Variants in TMC1 observed in about 807,000 individuals in gnomAD.
TMC1 encodes transmembrane channel like 1.
Under a neutral mutation model 105.8 loss-of-function variants are expected in TMC1, and 84 were observed. That is an observed-to-expected ratio of 0.79 (90% CI 0.67 to 0.95). The LOEUF (loss-of-function observed/expected upper bound fraction) is 0.95. TMC1 is among the 40% of genes least tolerant of loss of function. The probability of loss-of-function intolerance (pLI) is 0.00; values close to 1 mark genes in which losing one functional copy is unlikely to be tolerated. For synonymous variants in TMC1, 315 were observed against 311.5 expected (o/e 1.01, Z -0.12); for missense variants, 817 against 914.1 (o/e 0.89, Z 1.37).
chr9:72,614,256 A>G (rs893924183), intron 2 of TMC1, among the ~76,000 whole-genome samples: 1 of 152,136 alleles, frequency 6.6e-6, no homozygotes, highest in Non-Finnish European at 1.5e-5. Flanking sequence ...CATAATTTTG[A>G]TCAGCTGGAA....
At chr9:72,671,669 G>A (rs902538790) in intron 5 of TMC1, among the ~76,000 whole-genome samples, 2 of 152,128 alleles carry the variant, frequency 1.3e-5, no homozygotes, top group African/African-American at 4.8e-5. Flanking sequence ...GGAGGGGCTT[G>A]AGGGGTGTCC....
intron 9 of TMC1, 36 bp downstream of exon 9, chr9:72,740,245 T>A (rs376838520): frequency 4.6e-5 from 72 of 1,571,288 alleles, no homozygotes; most frequent in Admixed American, 1.5e-4. Flanking sequence ...TTATGGCATA[T>A]TGCCTCTAAG....
Position 72,832,502 on chromosome 9 carries a change from G to A in TMC1, c.2260+1820G>A, listed in dbSNP as rs1320838253. Among the ~76,000 whole-genome samples, 4 of 152,164 alleles carry A rather than the reference G, an allele frequency of 2.6e-5. No homozygotes were observed. The East Asian group carries it at 7.7e-4, about 29-fold the overall frequency. ...TGTGCCAGTCACTGTGTCTGAGTAT[G>A]GTAAGTTACTGAAGTCAGTCAGGAC... On this transcript the variant is annotated intron_variant, in intron 23 of 23. Coordinates refer to ENST00000297784, the MANE Select transcript of TMC1 (RefSeq NM_138691.3).
intron 17 of TMC1, among the ~76,000 whole-genome samples, chr9:72,795,848 G>A (rs543808921): frequency 8.8e-4 from 131 of 149,426 alleles, no homozygotes; most frequent in African/African-American, 3.0e-3. Context: ...AAGGCACAGA[G>A]TAGCAAGCTG....
At position 72,804,073 on chromosome 9, in the gene TMC1, TC is replaced by T. The variant is rs1357577793; in HGVS notation, c.1567-1307del. ...AGCAATAAAAAGGAATGAGATCATG[TC>T]CTTTGCAGAGACATGGATGGAGCTG... On this transcript the variant is annotated intron_variant, in intron 17 of 23. Coordinates refer to ENST00000297784, the MANE Select transcript of TMC1 (RefSeq NM_138691.3). 3.9e-5 allele frequency among the ~76,000 whole-genome samples: 6 copies of T among 152,204 alleles called. No individual in the cohort carries two copies. The East Asian group carries it at 1.2e-3, about 29-fold the overall frequency.
At chr9:72,769,730 T>C (rs1446788816) in intron 12 of TMC1, among the ~76,000 whole-genome samples, 1 of 152,170 alleles carries the variant, frequency 6.6e-6, no homozygotes, top group African/African-American at 2.4e-5. Context: ...GTTCACGAAA[T>C]GTATACGGTG....
chr9:72,523,222 C>T (rs1823345080), intron 1 of TMC1, among the ~76,000 whole-genome samples: 1 of 150,970 alleles, frequency 6.6e-6, no homozygotes, highest in Non-Finnish European at 1.5e-5. Flanking sequence ...TTGCAGTTAG[C>T]CTGTGGGGAA....
At chr9:72,677,129 T>TACACAC (rs71495332) in intron 5 of TMC1, among the ~76,000 whole-genome samples, 5,284 of 145,184 alleles carry the variant, frequency 0.036, 195 homozygotes, top group Middle Eastern at 0.1. Flanking sequence ...GAACAGAAAT[T>TACACAC]ACACACACAC....
At chr9:72,743,384 AAAAAAAT>A (rs1827428826) in intron 10 of TMC1, among the ~76,000 whole-genome samples, 1 of 150,316 alleles carries the variant, frequency 6.7e-6, no homozygotes, top group African/African-American at 2.4e-5. Context: ...AAAAAAAATA[AAAAAAAT>A]AAAAAATAAA....
intron 1 of TMC1, among the ~76,000 whole-genome samples, chr9:72,560,082 A>G (rs1216209235): frequency 6.6e-6 from 1 of 152,232 alleles, no homozygotes; most frequent in Non-Finnish European, 1.5e-5. Context: ...TCTGATAACC[A>G]TGACATATCA....
chr9:72,528,430 G>A (rs1823442914), intron 1 of TMC1, among the ~76,000 whole-genome samples: 1 of 151,828 alleles, frequency 6.6e-6, no homozygotes, highest in Non-Finnish European at 1.5e-5. Context: ...CGCCTCCCGG[G>A]TTCAAGCGAT....
intron 12 of TMC1, among the ~76,000 whole-genome samples, chr9:72,764,856 G>A (rs2118100776): frequency 6.6e-6 from 1 of 152,178 alleles, no homozygotes; most frequent in East Asian, 1.9e-4. Context: ...TGATCTAATT[G>A]GATATGCAAA....
At chr9:72,772,608 G>A in intron 13 of TMC1, 53 bp downstream of exon 13, 1 of 1,608,716 alleles carries the variant, frequency 6.2e-7, no homozygotes, top group Non-Finnish European at 8.5e-7. Context: ...GAATCAAATG[G>A]AGGGATTAAT....
At chr9:72,700,771 C>CAT (rs1344713300) in intron 8 of TMC1, 128 bp downstream of exon 8, 5 of 333,220 alleles carry the variant, frequency 1.5e-5, no homozygotes, top group African/African-American at 2.3e-5. Context: ...TACACACACA[C>CAT]ACACACACAT....
intron 1 of TMC1, among the ~76,000 whole-genome samples, chr9:72,559,382 CTG>C (rs1470154609): frequency 2.0e-5 from 3 of 152,190 alleles, no homozygotes; most frequent in Admixed American, 1.3e-4. Flanking sequence ...GCGTGAGCCA[CTG>C]TGCCTGGCAA....
chr9:72,527,171 T>C (rs527635232), intron 1 of TMC1, among the ~76,000 whole-genome samples: 3 of 152,162 alleles, frequency 2.0e-5, no homozygotes, highest in Non-Finnish European at 4.4e-5. Context: ...TCCCAGTTGC[T>C]CAGGCCTGTG....
At position 72,836,118 on chromosome 9, in the gene TMC1, T is replaced by G. The variant is rs1283171261; in HGVS notation, c.*145T>G. ...GGATTTTCAAGGTCATGCTGGCCAA[T>G]TAAGGCATCATCAGTCCTACCTGAG... On this transcript the variant is annotated 3_prime_UTR_variant, in exon 24 of 24. Transcript: ENST00000297784. The G allele has an allele frequency of 1.1e-6, 1 of 926,620 alleles. No homozygotes were observed. Among genetic ancestry groups the G allele is most frequent in the Non-Finnish European group, 1.8e-6 (1 of 567,620 alleles). 57.4% of individuals were successfully genotyped at this position (926,620 alleles called of 1,614,324 possible).
intron 1 of TMC1, among the ~76,000 whole-genome samples, chr9:72,573,617 G>T (rs1425897283): frequency 6.6e-6 from 1 of 152,140 alleles, no homozygotes; most frequent in Non-Finnish European, 1.5e-5. Flanking sequence ...GCCAAAAGTG[G>T]CTGGTCTTGT....
At chr9:72,773,485 AT>A (rs1258697661) in intron 13 of TMC1, among the ~76,000 whole-genome samples, 1 of 152,170 alleles carries the variant, frequency 6.6e-6, no homozygotes, top group African/African-American at 2.4e-5. Context: ...GAAAACTGCC[AT>A]ATTTCATTTT....
Sources: allele counts gnomAD v4.1 joint callset (sites outside exome capture counted in the v4.1 genomes callset), GRCh38; gene constraint gnomAD v4.1.1; transcripts MANE v1.5; gene names NCBI Gene and HGNC (gene_info 2026-07-23, HGNC 2026-07-21).